PCDHGB3: variants seen among roughly 807,000 people sequenced by gnomAD.
PCDHGB3 encodes the protein protocadherin gamma subfamily B, 3, also known as protocadherin gamma-B3.
In PCDHGB3, 40 loss-of-function variants were observed where a neutral mutation model predicts 59.2. That is an observed-to-expected ratio of 0.68 (90% confidence interval 0.52 to 0.88). PCDHGB3 has a LOEUF of 0.88. Ranked by LOEUF, PCDHGB3 falls within the 40% of genes least tolerant of loss-of-function variation. The pLI, the probability that PCDHGB3 is intolerant of heterozygous loss-of-function variation, is 0.00. For missense variants in PCDHGB3, 1,309 were observed against 1,187.9 expected (o/e 1.10, Z -1.50); for synonymous variants, 581 against 503.6 (o/e 1.15, Z -2.06).
intron 1 of PCDHGB3, chr5:141,422,932 C>G: frequency 6.2e-7 from 1 of 1,614,252 alleles, no homozygotes; most frequent in Non-Finnish European, 8.5e-7. Context: ...CCCTGCCCTC[C>G]CCACAGACGG....
intron 1 of PCDHGB3, among the ~76,000 whole-genome samples, chr5:141,457,343 T>C (rs1372992422): frequency 6.6e-6 from 1 of 152,240 alleles, no homozygotes; most frequent in African/African-American, 2.4e-5. Flanking sequence ...TTACTTACTT[T>C]CATTACCTGG....
At chr5:141,396,767 G>A (rs900685366) in intron 1 of PCDHGB3, 1 of 152,338 alleles carries the variant, frequency 6.6e-6, no homozygotes, top group East Asian at 1.9e-4. Context: ...ATAAATGTTT[G>A]TTATTAATGA....
At chr5:141,453,319 G>T (rs2098762311) in intron 1 of PCDHGB3, among the ~76,000 whole-genome samples, 1 of 151,492 alleles carries the variant, frequency 6.6e-6, no homozygotes, top group Admixed American at 6.6e-5. Flanking sequence ...TTATTTTAGA[G>T]ATGGGGTCTC....
At chr5:141,406,531 C>T (rs1303471087) in intron 1 of PCDHGB3, among the ~76,000 whole-genome samples, 1 of 152,102 alleles carries the variant, frequency 6.6e-6, no homozygotes, top group African/African-American at 2.4e-5. Flanking sequence ...TATTTTCTGA[C>T]GAAGATTCAA....
At chr5:141,499,013 GA>G (rs2099788463) in intron 2 of PCDHGB3, among the ~76,000 whole-genome samples, 1 of 144,746 alleles carries the variant, frequency 6.9e-6, no homozygotes, top group Non-Finnish European at 1.5e-5. Context: ...AGGAAGGAAG[GA>G]AGGAAGGAAG....
At chr5:141,442,006 G>T (rs540427406) in intron 1 of PCDHGB3, 2 of 229,074 alleles carry the variant, frequency 8.7e-6, no homozygotes, top group South Asian at 4.9e-5. Flanking sequence ...CTGACAGCTC[G>T]CACGATGGGC....
At chr5:141,414,570 C>G (rs1253876890) in intron 1 of PCDHGB3, 13 of 1,613,862 alleles carry the variant, frequency 8.1e-6, no homozygotes, top group Non-Finnish European at 1.0e-5. Flanking sequence ...TTACCTATAT[C>G]CCAGAGAACA....
Position 141,372,058 on chromosome 5 carries a change from G to T in PCDHGB3, c.1664G>T (p.Arg555Leu), listed in dbSNP as rs769464516. ...AGCCTGCGCGTGTTGGTGGACGACC[G>T]CAACGACAATGCACCGCTGGTGCTG... ...NVSLRVLVDD[R>L]NDNAPLVLYP... is the part of the protein sequence containing the mutation. Residue 555 changes from arginine to leucine, a missense_variant, in exon 1 of 4, where the codon CGC becomes CTC. Transcript: ENST00000576222. The T allele has an allele frequency of 8.1e-6, 13 of 1,613,556 alleles. No individual in the cohort carries two copies. In the East Asian group the frequency reaches 2.9e-4, roughly 36 times the overall value.
At chr5:141,383,707 G>A in intron 1 of PCDHGB3, 3 of 1,613,998 alleles carry the variant, frequency 1.9e-6, no homozygotes, top group Non-Finnish European at 2.5e-6. Context: ...TATCGACCTG[G>A]ACGAGGGAGT....
rs776219135 is a variant in PCDHGB3, at chr5:141,403,980, A to G, written c.2415+31171A>G. ...ATTTCGGTGGAAGATGTAAATGACA[A>G]TAGACCTGAAGTGACCATTACATCT... On this transcript the variant is annotated intron_variant, in intron 1 of 3. Coordinates refer to ENST00000576222, the MANE Select transcript of PCDHGB3 (RefSeq NM_018924.5). The G allele has an allele frequency of 5.0e-6, 8 of 1,613,890 alleles. No homozygotes were observed. In the South Asian group the frequency reaches 8.8e-5, roughly 18 times the overall value.
intron 1 of PCDHGB3, chr5:141,384,177 TG>T: frequency 6.2e-7 from 1 of 1,613,838 alleles, no homozygotes; most frequent in South Asian, 1.1e-5. Context: ...AAGCCACAGA[TG>T]GTGGAACTCC....
rs1160156030 is a variant in PCDHGB3 at position 141,477,238 on chromosome 5, C to T, written c.2416-17569C>T. 20 of 1,614,094 alleles carry T rather than the reference C, an allele frequency of 1.2e-5. No individual in the cohort carries two copies. The highest frequency in any genetic ancestry group is 5.0e-5 in the Admixed American group (3 of 60,006). The stretch of plus-strand genomic sequence containing the variant: ...CTCTGGGGACTGTCATCGCTTTGCT[C>T]AGTGTGACTGACCTGGATGCTGGCG... On this transcript the variant is annotated intron_variant, in intron 1 of 3. Transcript: ENST00000576222. This position sits in a 1 kb window ranked among gnomAD's most constrained non-coding sequence, Gnocchi z 4.9.
chr5:141,403,405 T>A, intron 1 of PCDHGB3: 4 of 1,614,060 alleles, frequency 2.5e-6, no homozygotes, highest in Non-Finnish European at 3.4e-6. Flanking sequence ...CTGGAGCACG[T>A]TATCCACTTC....
chr5:141,489,994 C>A lies in PCDHGB3; in HGVS notation c.2416-4813C>A, dbSNP rs1307285048. The A allele has an allele frequency of 1.2e-5, 19 of 1,614,192 alleles. No individual in the cohort carries two copies. The highest frequency in any genetic ancestry group is 1.6e-4 in the Middle Eastern group (1 of 6,062). On this transcript the variant is annotated intron_variant, in intron 1 of 3. Transcript: ENST00000576222. This position sits in a 1 kb window ranked among gnomAD's most constrained non-coding sequence, Gnocchi z 4.5. Reference sequence around the variant, plus strand: ...ATCCTCAGTTCTACGTGTGGGAATCCCAGAGAATGCACCCATTGGTACTCT... The same window carrying A: ...ATCCTCAGTTCTACGTGTGGGAATCACAGAGAATGCACCCATTGGTACTCT...
Position 141,477,376 on chromosome 5 carries a change from G to A in PCDHGB3, c.2416-17431G>A. The A allele has an allele frequency of 6.2e-7, 1 of 1,614,146 alleles. No homozygotes were observed. Among genetic ancestry groups the A allele is most frequent in the Non-Finnish European group, 8.5e-7 (1 of 1,180,026 alleles). ...GTGCAGACCTGGATCGGGAGACTGT[G>A]CCAGAATACAACCTCAGCATCACCG... On this transcript the variant is annotated intron_variant, in intron 1 of 3. Transcript: ENST00000576222. This position sits in a 1 kb window ranked among gnomAD's most constrained non-coding sequence, Gnocchi z 4.9.
At position 141,477,483 on chromosome 5, in the gene PCDHGB3, A is replaced by T; in HGVS notation, c.2416-17324A>T. ...TCCGACATCAATGACAACCCTCCAC[A>T]ATCTTCTCAATCTTCCTACGACGTT... On this transcript the variant is annotated intron_variant, in intron 1 of 3. Coordinates refer to ENST00000576222, the MANE Select transcript of PCDHGB3 (RefSeq NM_018924.5). The surrounding 1 kb of genome is among the most constrained non-coding windows in gnomAD (Gnocchi z 4.9). 1 of 1,614,028 alleles carries T rather than the reference A, an allele frequency of 6.2e-7. No homozygotes were observed.
At chr5:141,419,354 C>T in intron 1 of PCDHGB3, 3 of 1,613,828 alleles carry the variant, frequency 1.9e-6, no homozygotes, top group Non-Finnish European at 1.7e-6. Flanking sequence ...CCTGGAGTCA[C>T]GAACGCTGTC....
At position 141,432,898 on chromosome 5, in the gene PCDHGB3, G is replaced by C. The variant is rs746913952; in HGVS notation, c.2415+60089G>C. ...TGGCCTTCGTCATCTTGCTGCTGGC[G>C]CTCAGGCTGCGGCGCTGGCACAAGT... On this transcript the variant is annotated intron_variant, in intron 1 of 3. Coordinates refer to ENST00000576222, the MANE Select transcript of PCDHGB3 (RefSeq NM_018924.5). The surrounding 1 kb of genome is among the most constrained non-coding windows in gnomAD (Gnocchi z 6.0). 28 of 1,614,056 alleles carry C rather than the reference G, an allele frequency of 1.7e-5. No individual in the cohort carries two copies. In the African/African-American group the frequency reaches 2.4e-4, roughly 14 times the overall value.
intron 1 of PCDHGB3, chr5:141,422,451 C>A: frequency 6.2e-7 from 1 of 1,611,518 alleles, no homozygotes; most frequent in East Asian, 2.2e-5. Context: ...TGATAACAAG[C>A]AGAGTGCTGG....
Sources: gnomAD v4.1 joint callset for allele counts (sites outside exome capture counted in the v4.1 genomes callset) on GRCh38, gnomAD v4.1.1 for gene constraint, Gnocchi (gnomAD v3.1) non-coding constraint, MANE v1.5 for transcripts, NCBI Gene and HGNC (gene_info 2026-07-23, HGNC 2026-07-21) for gene names.